Variants in CTNNA2 observed in about 807,000 individuals in gnomAD.
CTNNA2 encodes the protein catenin alpha-2.
In CTNNA2, 42 loss-of-function variants were observed where a neutral mutation model predicts 101.0. The observed-to-expected ratio is 0.42, with a 90% CI of 0.32 to 0.54. The LOEUF (loss-of-function observed/expected upper bound fraction) is 0.54, where lower values mean the gene tolerates loss of function less well. CTNNA2 is among the 20% of genes least tolerant of loss of function. CTNNA2 has a pLI of 0.14. For synonymous variants in CTNNA2, 450 were observed against 456.4 expected (o/e 0.99, Z 0.18); for missense variants, 871 against 1,223.1 (o/e 0.71, Z 4.29).
intron 7 of CTNNA2, among the ~76,000 whole-genome samples, chr2:80,293,222 T>C (rs918716646): frequency 1.3e-5 from 2 of 152,186 alleles, no homozygotes; most frequent in Non-Finnish European, 2.9e-5. Context: ...ATTGTTCCAT[T>C]AATTGTGTGT....
At chr2:80,522,995 T>C (rs1689702119) in intron 9 of CTNNA2, among the ~76,000 whole-genome samples, 1 of 152,084 alleles carries the variant, frequency 6.6e-6, no homozygotes, top group South Asian at 2.1e-4. Context: ...CACTGCTCAA[T>C]TGGAGCTATC....
Position 79,444,531 on chromosome 2 carries a change from A to G in CTNNA2, c.-134-60523A>G, listed in dbSNP as rs144920302. On this transcript the variant is annotated intron_variant, in intron 4 of 21. Coordinates refer to the CTNNA2 transcript ENST00000466387. The stretch of plus-strand genomic sequence containing the variant: ...ATAATCACTCTAGGTGCCAGTGGAT[A>G]CTCTGTAGCTATTATTTCCCTTGCT... Among the ~76,000 whole-genome samples, 217 of 151,894 alleles carry G rather than the reference A, an allele frequency of 1.4e-3. 2 individuals are homozygous for G. Among genetic ancestry groups the G allele is most frequent in the African/African-American group, 5.1e-3 (211 of 41,438 alleles).
intron 4 of CTNNA2, among the ~76,000 whole-genome samples, chr2:79,381,282 C>T (rs1006242055): frequency 3.3e-5 from 5 of 152,212 alleles, no homozygotes; most frequent in South Asian, 2.1e-4. Context: ...CCAAAACTCA[C>T]GTAAATTAAT....
rs111729408 is a variant in CTNNA2 at position 79,533,252 on chromosome 2, C to G, written c.-6+20045C>G. ...CCAGGCTCCATACCCGCTACATAAC[C>G]TGTACTCTTGACTGAGAATGTCTTT... is the stretch of plus-strand genomic sequence containing the variant. On this transcript the variant is annotated intron_variant, in intron 1 of 18. Transcript: ENST00000402739. Among the ~76,000 whole-genome samples, 7 of 152,184 alleles carry G rather than the reference C, an allele frequency of 4.6e-5. 2 individuals carry two copies. The highest frequency in any genetic ancestry group is 1.7e-4 in the African/African-American group (7 of 41,530).
intron 3 of CTNNA2, among the ~76,000 whole-genome samples, chr2:79,834,387 C>T (rs1183070409): frequency 6.6e-6 from 1 of 152,068 alleles, no homozygotes; most frequent in Non-Finnish European, 1.5e-5. Flanking sequence ...ACACTCCTCC[C>T]AGTAGGATAT....
At chr2:79,451,454 A>C (rs1670747202) in intron 4 of CTNNA2, among the ~76,000 whole-genome samples, 1 of 152,100 alleles carries the variant, frequency 6.6e-6, no homozygotes, top group Non-Finnish European at 1.5e-5. Context: ...CCAATTTGGA[A>C]ATGAGAACTT....
At chr2:79,696,086 G>A (rs1015428742) in intron 2 of CTNNA2, among the ~76,000 whole-genome samples, 1 of 151,892 alleles carries the variant, frequency 6.6e-6, no homozygotes, top group Non-Finnish European at 1.5e-5. Flanking sequence ...AAACACTCTA[G>A]GTCAGATGGG....
At chr2:80,632,250 C>A (rs986860256) in intron 18 of CTNNA2, among the ~76,000 whole-genome samples, 1 of 151,486 alleles carries the variant, frequency 6.6e-6, no homozygotes, top group Non-Finnish European at 1.5e-5. Context: ...AGAAATCTAG[C>A]TATGGCAACA....
chr2:80,551,893 C>T (rs979056546), intron 11 of CTNNA2, among the ~76,000 whole-genome samples: 9 of 152,186 alleles, frequency 5.9e-5, no homozygotes, highest in African/African-American at 1.9e-4. Flanking sequence ...ATGTCTTCCT[C>T]ACTAAGCTTA....
intron 7 of CTNNA2, among the ~76,000 whole-genome samples, chr2:79,941,995 A>C (rs752406223): frequency 6.6e-6 from 1 of 152,218 alleles, no homozygotes; most frequent in Non-Finnish European, 1.5e-5. Flanking sequence ...GTAATTAATT[A>C]TAATAATAAC....
chr2:79,991,144 G>T (rs903112740), intron 7 of CTNNA2, among the ~76,000 whole-genome samples: 3 of 152,070 alleles, frequency 2.0e-5, no homozygotes, highest in African/African-American at 7.2e-5. Context: ...TTTTTATTGT[G>T]TCTATTTGAT....
chr2:80,314,557 A>T (rs1482429474), intron 7 of CTNNA2, among the ~76,000 whole-genome samples: 2 of 152,192 alleles, frequency 1.3e-5, no homozygotes, highest in Non-Finnish European at 2.9e-5. Context: ...GTGGCTGTGG[A>T]AGAGATAAAA....
chr2:80,437,432 C>G (rs1264309805), intron 9 of CTNNA2, among the ~76,000 whole-genome samples: 1 of 152,070 alleles, frequency 6.6e-6, no homozygotes, highest in East Asian at 1.9e-4. Flanking sequence ...TACTTTGGAT[C>G]AACTTTATTA....
rs191222558 is a variant in CTNNA2 at position 79,772,577 on chromosome 2, G to A, written c.298+27995G>A. ...TGCCTTTGAGCATCATGAGAACATG[G>A]AATATTTATTTTAAGAGACAGGTTC... On this transcript the variant is annotated intron_variant, in intron 3 of 18. Coordinates refer to ENST00000402739, the MANE Select transcript of CTNNA2 (RefSeq NM_001282597.3). Among the ~76,000 whole-genome samples, 169 of 152,230 alleles carry A rather than the reference G, an allele frequency of 1.1e-3. 1 individual carries two copies. The highest frequency in any genetic ancestry group is 2.1e-3 in the Non-Finnish European group (144 of 68,014).
At chr2:79,400,314 T>C (rs971607955) in intron 4 of CTNNA2, among the ~76,000 whole-genome samples, 5 of 151,938 alleles carry the variant, frequency 3.3e-5, no homozygotes, top group Non-Finnish European at 7.4e-5. Context: ...AGCTATCGTT[T>C]TTAGGAATAG....
intron 2 of CTNNA2, among the ~76,000 whole-genome samples, chr2:79,726,509 A>G (rs933162234): frequency 1.3e-5 from 2 of 152,102 alleles, no homozygotes; most frequent in East Asian, 3.9e-4. Flanking sequence ...TGAAGGATCT[A>G]GGTTGCATGC....
At chr2:79,988,490 G>GTA (rs1431908387) in intron 7 of CTNNA2, among the ~76,000 whole-genome samples, 1 of 146,464 alleles carries the variant, frequency 6.8e-6, no homozygotes, top group East Asian at 2.0e-4. Flanking sequence ...GTGTGTGTGT[G>GTA]TGTGTGTGTG....
chr2:80,014,596 T>C (rs1694008140), intron 7 of CTNNA2, among the ~76,000 whole-genome samples: 1 of 152,222 alleles, frequency 6.6e-6, no homozygotes, highest in African/African-American at 2.4e-5. Flanking sequence ...ACCAACCTGC[T>C]TTCTTCACTG....
intron 2 of CTNNA2, among the ~76,000 whole-genome samples, chr2:79,706,919 T>C (rs1399280078): frequency 6.6e-6 from 1 of 152,224 alleles, no homozygotes; most frequent in Non-Finnish European, 1.5e-5. Flanking sequence ...GCTTACCTGA[T>C]CTGGTCCCTC....
Sources: gnomAD v4.1 joint callset for allele counts (sites outside exome capture counted in the v4.1 genomes callset) on GRCh38, gnomAD v4.1.1 for gene constraint, MANE v1.5 for transcripts, NCBI Gene and HGNC (gene_info 2026-07-23, HGNC 2026-07-21) for gene names.